The following LDB2 variants were observed in gnomAD, a reference collection of about 807,000 sequenced individuals.
The protein encoded by LDB2 is LIM domain binding 2.
In LDB2, 12 loss-of-function variants were observed where a neutral mutation model predicts 44.3. That is an observed-to-expected ratio of 0.27 (90% CI 0.17 to 0.44). LDB2 has a LOEUF of 0.44. LDB2 is among the 20% of genes least tolerant of loss of function. The pLI, the probability that LDB2 is intolerant of heterozygous loss-of-function variation, is 1.00. For missense variants in LDB2, 344 were observed against 473.5 expected, an observed-to-expected ratio of 0.73 and a Z score of 2.54; for synonymous variants, 164 against 174.8, an observed-to-expected ratio of 0.94 and a Z score of 0.49.
intron 5 of LDB2, among the ~76,000 whole-genome samples, chr4:16,579,030 C>T (rs577970717): frequency 1.3e-5 from 2 of 152,118 alleles, no homozygotes; most frequent in African/African-American, 4.8e-5. Context: ...GGGATGGTCA[C>T]CACAGATTGG....
At chr4:16,779,631 T>A (rs1772725721) in intron 1 of LDB2, among the ~76,000 whole-genome samples, 1 of 152,186 alleles carries the variant, frequency 6.6e-6, no homozygotes, top group Non-Finnish European at 1.5e-5. Flanking sequence ...GGACATTTTT[T>A]AAAAGAGACT....
At chr4:16,778,024 G>C (rs1772332789) in intron 1 of LDB2, among the ~76,000 whole-genome samples, 1 of 152,010 alleles carries the variant, frequency 6.6e-6, no homozygotes, top group African/African-American at 2.4e-5. Flanking sequence ...GCTGCTCCCA[G>C]AGCCCTGCGT....
intron 1 of LDB2, among the ~76,000 whole-genome samples, chr4:16,776,394 G>T (rs1771908649): frequency 6.6e-6 from 1 of 152,210 alleles, no homozygotes; most frequent in African/African-American, 2.4e-5. Context: ...GATGGCTAAA[G>T]TGGAGACAAC....
chr4:16,847,250 C>G (rs1350412137), intron 1 of LDB2, among the ~76,000 whole-genome samples: 1 of 151,368 alleles, frequency 6.6e-6, no homozygotes, highest in Non-Finnish European at 1.5e-5. Flanking sequence ...TTTTGACTCT[C>G]AAATCAGCAT....
intron 2 of LDB2, among the ~76,000 whole-genome samples, chr4:16,625,584 T>G (rs974524744): frequency 6.6e-6 from 1 of 152,194 alleles, no homozygotes; most frequent in Non-Finnish European, 1.5e-5. Context: ...CAGTCAGTAC[T>G]CTTCCTTGAA....
At chr4:16,871,752 C>A (rs568374607) in intron 1 of LDB2, among the ~76,000 whole-genome samples, 1 of 151,768 alleles carries the variant, frequency 6.6e-6, no homozygotes, top group South Asian at 2.1e-4. Flanking sequence ...TCCCAAGTAC[C>A]TGGGATCACA....
intron 2 of LDB2, among the ~76,000 whole-genome samples, chr4:16,734,252 G>T (rs749745402): frequency 6.6e-6 from 1 of 152,128 alleles, no homozygotes; most frequent in Non-Finnish European, 1.5e-5. Context: ...TTTGGAGCAA[G>T]GTGTTTGAAA....
At chr4:16,885,848 C>T (rs575689826) in intron 1 of LDB2, among the ~76,000 whole-genome samples, 12 of 152,282 alleles carry the variant, frequency 7.9e-5, no homozygotes, top group Non-Finnish European at 1.6e-4. Context: ...GTACTAAATG[C>T]TAACGGTCAT....
chr4:16,622,325 C>T (rs555363769), intron 2 of LDB2, among the ~76,000 whole-genome samples: 7 of 152,314 alleles, frequency 4.6e-5, no homozygotes, highest in African/African-American at 1.7e-4. Context: ...CACAGAAGAT[C>T]TTCAATAATT....
intron 5 of LDB2, among the ~76,000 whole-genome samples, chr4:16,564,974 G>A (rs1210847219): frequency 3.3e-5 from 5 of 152,156 alleles, no homozygotes; most frequent in South Asian, 2.1e-4. Context: ...TGAATTTCTC[G>A]TTTGAATCCA....
chr4:16,721,134 A>C (rs547892481), intron 2 of LDB2, among the ~76,000 whole-genome samples: 1 of 152,316 alleles, frequency 6.6e-6, no homozygotes, highest in East Asian at 1.9e-4. Context: ...AACTGTCCTT[A>C]AATGACTGAG....
At chr4:16,739,812 A>AT (rs1026818952) in intron 2 of LDB2, among the ~76,000 whole-genome samples, 2 of 147,236 alleles carry the variant, frequency 1.4e-5, no homozygotes, top group African/African-American at 5.0e-5. Flanking sequence ...AGATGTTCAT[A>AT]TTTTTAAAAA....
Position 16,502,722 on chromosome 4 carries a change from T to C in LDB2, c.1043A>G (p.Asn348Ser). The change falls in exon 8 of 8, where the codon AAC becomes AGC. Residue 348 changes from asparagine to serine, a missense_variant. This residue lies in a region of LDB2 where 32 missense variants were observed against 32.3 expected (regional missense o/e 0.99). Transcript: ENST00000304523. ...AGGTTTACTGTTCCACGGGCTGTTGTTCCCCAGCGCGGGTGAATTGTTGAA... is the reference window on the plus strand; with the variant it reads ...AGGTTTACTGTTCCACGGGCTGTTGCTCCCCAGCGCGGGTGAATTGTTGAA... The part of the protein sequence containing the change: ...EDFNNSPALG[N>S]NSPWNSKPPA... 1 of 1,613,966 alleles carries C rather than the reference T, an allele frequency of 6.2e-7. No individual in the cohort carries two copies. The highest frequency in any genetic ancestry group is 1.1e-5 in the South Asian group (1 of 91,076).
chr4:16,734,679 T>C (rs975418742), intron 2 of LDB2, among the ~76,000 whole-genome samples: 1 of 150,720 alleles, frequency 6.6e-6, no homozygotes, highest in Non-Finnish European at 1.5e-5. Flanking sequence ...GAAGAGCTGC[T>C]GCTGCTTCCC....
intron 1 of LDB2, among the ~76,000 whole-genome samples, chr4:16,814,426 G>A (rs565978418): frequency 6.6e-6 from 1 of 152,140 alleles, no homozygotes; most frequent in Non-Finnish European, 1.5e-5. Context: ...TCCATCTAGA[G>A]ACTGCAATTG....
At chr4:16,788,901 A>G (rs1490233896) in intron 1 of LDB2, among the ~76,000 whole-genome samples, 1 of 152,122 alleles carries the variant, frequency 6.6e-6, no homozygotes, top group East Asian at 1.9e-4. Context: ...CCAGCAGCCC[A>G]CTGCAGCAGG....
chr4:16,761,695 G>A (rs1767959803), intron 1 of LDB2, among the ~76,000 whole-genome samples: 1 of 152,188 alleles, frequency 6.6e-6, no homozygotes, highest in Admixed American at 6.5e-5. Flanking sequence ...CAAAGGGAGT[G>A]CAGATCAATA....
At chr4:16,866,611 C>T (rs548353795) in intron 1 of LDB2, among the ~76,000 whole-genome samples, 4 of 152,174 alleles carry the variant, frequency 2.6e-5, no homozygotes, top group African/African-American at 9.6e-5. Context: ...GGACTCCAGG[C>T]CGGTGCTTTT....
intron 2 of LDB2, among the ~76,000 whole-genome samples, chr4:16,698,897 C>T (rs920574921): frequency 2.0e-5 from 3 of 152,160 alleles, no homozygotes; most frequent in African/African-American, 7.2e-5. Context: ...CCTAAAGTCT[C>T]AGCAATCAAA....
Sources: gnomAD v4.1 joint callset for allele counts (sites outside exome capture counted in the v4.1 genomes callset) on GRCh38, gnomAD v4.1.1 for gene constraint, gnomAD v4.1.1 regional missense constraint, MANE v1.5 for transcripts, NCBI Gene and HGNC (gene_info 2026-07-23, HGNC 2026-07-21) for gene names.